Variants in IDE observed in about 807,000 individuals in gnomAD.
IDE encodes insulin-degrading enzyme.
IDE carries 58 observed loss-of-function variants against 133.2 expected under a neutral mutation model. The observed-to-expected ratio is 0.44, with a 90% CI of 0.35 to 0.54. The LOEUF (loss-of-function observed/expected upper bound fraction) is 0.54, where lower values mean the gene tolerates loss of function less well. Ranked by LOEUF, IDE falls within the 20% of genes least tolerant of loss-of-function variation. The probability of loss-of-function intolerance (pLI) is 0.00; values close to 1 mark genes in which losing one functional copy is unlikely to be tolerated. For synonymous variants in IDE, 396 were observed against 421.3 expected, an observed-to-expected ratio of 0.94 and a Z score of 0.73; for missense variants, 981 against 1,234.0, an observed-to-expected ratio of 0.79 and a Z score of 3.07.
At chr10:92,540,284 G>A (rs1034612556) in intron 1 of IDE, among the ~76,000 whole-genome samples, 4 of 151,740 alleles carry the variant, frequency 2.6e-5, no homozygotes, top group African/African-American at 9.7e-5. Context: ...TAAGACATTT[G>A]GCAAAGGACA....
intron 11 of IDE, among the ~76,000 whole-genome samples, chr10:92,491,859 C>G (rs1161828980): frequency 6.6e-6 from 1 of 152,146 alleles, no homozygotes; most frequent in Non-Finnish European, 1.5e-5. Context: ...GATCCGCCTG[C>G]CTCAGCCTCC....
chr10:92,504,908 G>C lies in IDE; in HGVS notation c.1327-11C>G. On this transcript the variant is annotated splice_polypyrimidine_tract_variant and intron_variant, in intron 10 of 24. Coordinates refer to ENST00000265986, the MANE Select transcript of IDE (RefSeq NM_004969.4). Reference sequence around the variant, plus strand: ...TTCTAGGGGATAATACTTTTAAAAAGGAAAATATAAATAAATAAAATATAC... The same window carrying C: ...TTCTAGGGGATAATACTTTTAAAAACGAAAATATAAATAAATAAAATATAC... The C allele has an allele frequency of 8.0e-7, 1 of 1,243,420 alleles. No homozygotes were observed. Among genetic ancestry groups the C allele is most frequent in the Non-Finnish European group, 1.1e-6 (1 of 876,240 alleles). The allele number at this position is 1,243,420 out of a possible 1,614,324, so 77.0% of individuals were successfully genotyped here.
At chr10:92,517,677 T>C (rs1849000072) in intron 4 of IDE, among the ~76,000 whole-genome samples, 1 of 152,266 alleles carries the variant, frequency 6.6e-6, no homozygotes, top group Admixed American at 6.5e-5. Flanking sequence ...TAATGACCAG[T>C]TCAAGCTGGG....
intron 1 of IDE, among the ~76,000 whole-genome samples, chr10:92,571,607 T>C (rs2135859107): frequency 6.6e-6 from 1 of 152,202 alleles, no homozygotes; most frequent in South Asian, 2.1e-4. Flanking sequence ...TTCCACACAG[T>C]CCCAAGTTAT....
At chr10:92,551,598 G>C (rs1842786466) in intron 1 of IDE, among the ~76,000 whole-genome samples, 1 of 149,910 alleles carries the variant, frequency 6.7e-6, no homozygotes, top group Non-Finnish European at 1.5e-5. Flanking sequence ...AAAGAAATCA[G>C]CTAATCACAA....
intron 15 of IDE, among the ~76,000 whole-genome samples, chr10:92,477,436 C>T (rs1016121840): frequency 9.9e-5 from 15 of 152,168 alleles, no homozygotes; most frequent in African/African-American, 3.1e-4. Context: ...GGATTACAGG[C>T]GTGAGCCACC....
chr10:92,549,099 A>C (rs559615115), intron 1 of IDE, among the ~76,000 whole-genome samples: 2 of 152,222 alleles, frequency 1.3e-5, no homozygotes, highest in East Asian at 3.9e-4. Flanking sequence ...CTCTACTAAA[A>C]ATACAAAAAT....
At chr10:92,561,252 G>A (rs962220629) in intron 1 of IDE, among the ~76,000 whole-genome samples, 6 of 150,912 alleles carry the variant, frequency 4.0e-5, no homozygotes, top group South Asian at 2.1e-4. Flanking sequence ...GTGAAACTCC[G>A]TCTAAAAAAA....
intron 15 of IDE, chr10:92,478,678 G>A: frequency 7.9e-7 from 1 of 1,271,790 alleles, no homozygotes; most frequent in Non-Finnish European, 1.0e-6. Context: ...CAATGCCATA[G>A]CTCAAACCTG....
chr10:92,524,447 T>TATA, intron 4 of IDE, among the ~76,000 whole-genome samples: 1 of 10,742 alleles, frequency 9.3e-5, no homozygotes, highest in African/African-American at 4.3e-4. Context: ...ATAATATATT[T>TATA]TATATATTAT....
chr10:92,508,008 G>C (rs1336902289), intron 8 of IDE, 105 bp downstream of exon 8: 10 of 804,714 alleles, frequency 1.2e-5, no homozygotes, highest in Non-Finnish European at 1.7e-5. Context: ...ATGAATTAAA[G>C]TGTTGTAGCT....
At chr10:92,539,703 G>A (rs908133055) in intron 1 of IDE, among the ~76,000 whole-genome samples, 3 of 152,058 alleles carry the variant, frequency 2.0e-5, no homozygotes, top group Non-Finnish European at 4.4e-5. Flanking sequence ...GGCAAAGGTT[G>A]CAGTGAGCTG....
intron 4 of IDE, among the ~76,000 whole-genome samples, chr10:92,527,378 T>C (rs969075634): frequency 7.2e-5 from 11 of 152,178 alleles, no homozygotes; most frequent in African/African-American, 2.2e-4. Context: ...TGGTACCTGG[T>C]AGAAGTAGCT....
chr10:92,542,164 A>G (rs1842338379), intron 1 of IDE, among the ~76,000 whole-genome samples: 1 of 152,114 alleles, frequency 6.6e-6, no homozygotes. Context: ...AAAACAGGTC[A>G]TTATCTTTTT....
intron 22 of IDE, among the ~76,000 whole-genome samples, chr10:92,458,494 T>G (rs1159066982): frequency 1.3e-5 from 1 of 78,606 alleles, no homozygotes; most frequent in Non-Finnish European, 2.9e-5. Context: ...CTCTCTGTTT[T>G]TTTTTTTTTT....
intron 15 of IDE, among the ~76,000 whole-genome samples, 181 bp from the exon 16 acceptor site, chr10:92,476,175 CTTT>C (rs869242486): frequency 7.0e-6 from 1 of 142,848 alleles, no homozygotes. Context: ...CATTAACCAT[CTTT>C]TTTTTTTTTT....
intron 1 of IDE, among the ~76,000 whole-genome samples, chr10:92,566,079 G>C (rs1195044998): frequency 3.3e-5 from 5 of 151,916 alleles, no homozygotes; most frequent in African/African-American, 1.2e-4. Context: ...TATGTAGCCA[G>C]GTGCAGTGGC....
chr10:92,528,425 A>T (rs1219197578), intron 4 of IDE, among the ~76,000 whole-genome samples: 1 of 151,982 alleles, frequency 6.6e-6, no homozygotes, highest in Non-Finnish European at 1.5e-5. Flanking sequence ...TTGTAATTAA[A>T]TGCATTTAAA....
chr10:92,488,488 A>G (rs1292106236), intron 12 of IDE, among the ~76,000 whole-genome samples: 1 of 152,146 alleles, frequency 6.6e-6, no homozygotes, highest in Non-Finnish European at 1.5e-5. Context: ...GGTTAAGAAC[A>G]AAGTTGAGGC....
Sources: allele counts gnomAD v4.1 joint callset (sites outside exome capture counted in the v4.1 genomes callset), GRCh38; gene constraint gnomAD v4.1.1; transcripts MANE v1.5; gene names NCBI Gene and HGNC (gene_info 2026-07-23, HGNC 2026-07-21).